The following VAV3 variants were observed in gnomAD, a reference collection of about 807,000 sequenced individuals.
VAV3 encodes guanine nucleotide exchange factor VAV3.
VAV3 carries 94 observed loss-of-function variants against 131.2 expected under a neutral mutation model. The observed-to-expected ratio is 0.72, with a 90% CI of 0.61 to 0.85. The LOEUF (loss-of-function observed/expected upper bound fraction) is 0.85. Among genes scored for constraint, VAV3 ranks in the 40% least tolerant of loss-of-function variants. The pLI is 0.00. For synonymous variants in VAV3, 349 were observed against 342.0 expected (o/e 1.02, Z -0.22); for missense variants, 939 against 1,002.7 (o/e 0.94, Z 0.86).
intron 1 of VAV3, among the ~76,000 whole-genome samples, chr1:107,887,876 T>C (rs1671112669): frequency 6.6e-6 from 1 of 152,198 alleles, no homozygotes; most frequent in Admixed American, 6.5e-5. Flanking sequence ...CAGTTCATTT[T>C]CTGCTTTGTC....
Position 107,574,963 on chromosome 1 carries a change from C to CTCTGTGTGTGTGTGTG in VAV3, c.2351-766_2351-765insCACACACACACACAGA, listed in dbSNP as rs1304869776. Among the ~76,000 whole-genome samples the CTCTGTGTGTGTGTGTG allele has an allele frequency of 6.2e-5, 5 of 81,178 alleles. 1 individual carries two copies. The highest frequency in any genetic ancestry group is 1.2e-3 in the South Asian group (2 of 1,720). The allele number at this position is 81,178 out of a possible 152,430, so 53.3% of individuals were successfully genotyped here. ...ATCCTGTGTTCAGAGTTGAGTTTCTCTGTGTGTGTGTGTGTGTGTGTGTGT... is the reference window on the plus strand; with the variant it reads ...ATCCTGTGTTCAGAGTTGAGTTTCTCTCTGTGTGTGTGTGTGTGTGTGTGTGTGTGTGTGTGTGTGT... On this transcript the variant is annotated intron_variant, in intron 25 of 26. Coordinates refer to ENST00000370056, the MANE Select transcript of VAV3 (RefSeq NM_006113.5).
chr1:107,901,369 C>A (rs1221579356), intron 1 of VAV3, among the ~76,000 whole-genome samples: 3 of 152,208 alleles, frequency 2.0e-5, no homozygotes, highest in African/African-American at 7.2e-5. Context: ...CAAGAATATT[C>A]AGCATCTGAT....
At chr1:107,834,622 G>A (rs1278814224) in intron 2 of VAV3, among the ~76,000 whole-genome samples, 1 of 151,378 alleles carries the variant, frequency 6.6e-6, no homozygotes, top group Non-Finnish European at 1.5e-5. Context: ...GGACAAGATG[G>A]CCAACTAGAT....
At chr1:107,882,707 T>C (rs1373827541) in intron 1 of VAV3, among the ~76,000 whole-genome samples, 1 of 152,180 alleles carries the variant, frequency 6.6e-6, no homozygotes, top group Non-Finnish European at 1.5e-5. Context: ...AGAATAATTT[T>C]TATTTGTATG....
At chr1:107,753,547 T>TACACACACAC (rs746164101) in intron 12 of VAV3, among the ~76,000 whole-genome samples, 1 of 48,460 alleles carries the variant, frequency 2.1e-5, no homozygotes, top group South Asian at 6.2e-4. Context: ...TATATATATA[T>TACACACACAC]ATACACACAC....
At chr1:107,704,095 T>C (rs1414265921) in intron 17 of VAV3, among the ~76,000 whole-genome samples, 1 of 152,244 alleles carries the variant, frequency 6.6e-6, no homozygotes, top group Non-Finnish European at 1.5e-5. Flanking sequence ...CATTAATTCA[T>C]GAATTAGTCT....
At chr1:107,681,401 G>A (rs1219406330) in intron 19 of VAV3, among the ~76,000 whole-genome samples, 2 of 152,094 alleles carry the variant, frequency 1.3e-5, no homozygotes, top group Non-Finnish European at 2.9e-5. Flanking sequence ...AAGGCACGCT[G>A]GTCATCAAGC....
intron 2 of VAV3, among the ~76,000 whole-genome samples, chr1:107,809,933 G>A (rs375181551): frequency 1.3e-5 from 2 of 152,156 alleles, no homozygotes; most frequent in African/African-American, 4.8e-5. Flanking sequence ...TTTAAGAATA[G>A]TTGAGCTACA....
chr1:107,635,486 G>A (rs1654850555), intron 20 of VAV3, among the ~76,000 whole-genome samples: 2 of 103,986 alleles, frequency 1.9e-5, no homozygotes, highest in Admixed American at 2.6e-4. Flanking sequence ...GGGGGGAGGG[G>A]GGAGGGATAG....
intron 25 of VAV3, among the ~76,000 whole-genome samples, chr1:107,579,637 T>A (rs1020565767): frequency 3.9e-5 from 6 of 152,246 alleles, no homozygotes; most frequent in African/African-American, 1.4e-4. Flanking sequence ...CAAATGGTCT[T>A]CTTGCTTCTG....
intron 1 of VAV3, among the ~76,000 whole-genome samples, chr1:107,879,438 C>T (rs1276816253): frequency 6.6e-6 from 1 of 152,096 alleles, no homozygotes; most frequent in Non-Finnish European, 1.5e-5. Flanking sequence ...GCATAATAAG[C>T]CAATTCTTAT....
intron 2 of VAV3, among the ~76,000 whole-genome samples, chr1:107,823,483 C>T (rs1009059901): frequency 6.6e-5 from 10 of 151,882 alleles, no homozygotes; most frequent in African/African-American, 9.7e-5. Context: ...AGACTCCCCA[C>T]GTGGGCTGGG....
At chr1:107,913,358 G>T (rs932012837) in intron 1 of VAV3, among the ~76,000 whole-genome samples, 3 of 152,160 alleles carry the variant, frequency 2.0e-5, no homozygotes, top group Non-Finnish European at 4.4e-5. Flanking sequence ...TGATCCTCTG[G>T]CATGCCATTG....
intron 19 of VAV3, among the ~76,000 whole-genome samples, chr1:107,667,728 AG>A (rs1657512214): frequency 6.6e-6 from 1 of 152,210 alleles, no homozygotes; most frequent in African/African-American, 2.4e-5. Context: ...GGGAAAAGAC[AG>A]TATAAAAAAC....
At chr1:107,579,567 T>G (rs754144964) in intron 25 of VAV3, among the ~76,000 whole-genome samples, 2 of 152,224 alleles carry the variant, frequency 1.3e-5, no homozygotes, top group Non-Finnish European at 2.9e-5. Context: ...TCAGTAATTC[T>G]CAGCTGCACC....
intron 1 of VAV3, among the ~76,000 whole-genome samples, chr1:107,875,737 G>A (rs1287582388): frequency 1.3e-5 from 2 of 152,192 alleles, no homozygotes; most frequent in African/African-American, 4.8e-5. Context: ...TTTTTGGCCT[G>A]TTGTGCTGAA....
intron 19 of VAV3, among the ~76,000 whole-genome samples, chr1:107,649,768 C>T (rs4557997): frequency 0.78 from 119,172 of 152,026 alleles, 47,438 homozygotes; most frequent in East Asian, 0.99. Context: ...GGTTCATTCA[C>T]TTATTCAGCA....
intron 17 of VAV3, among the ~76,000 whole-genome samples, chr1:107,696,500 T>C (rs1340580154): frequency 1.3e-5 from 2 of 152,206 alleles, no homozygotes; most frequent in Non-Finnish European, 2.9e-5. Context: ...TAACAACTCC[T>C]ACTAGTCATA....
At chr1:107,727,477 A>G (rs574489383) in intron 15 of VAV3, among the ~76,000 whole-genome samples, 7 of 152,330 alleles carry the variant, frequency 4.6e-5, no homozygotes, top group African/African-American at 1.4e-4. Context: ...TAGGCATTTA[A>G]CCTCCAAACA....
Sources: gnomAD v4.1 joint callset for allele counts (sites outside exome capture counted in the v4.1 genomes callset) on GRCh38, gnomAD v4.1.1 for gene constraint, MANE v1.5 for transcripts, NCBI Gene and HGNC (gene_info 2026-07-23, HGNC 2026-07-21) for gene names.